OR2A5: variants seen among roughly 807,000 people sequenced by gnomAD.
OR2A5 encodes the protein olfactory receptor 2A5.
Under a neutral mutation model 1.9 loss-of-function variants are expected in OR2A5, and 2 were observed. The observed-to-expected ratio is 1.04, with a 90% CI of 0.43 to 3.28. The LOEUF (loss-of-function observed/expected upper bound fraction) is 3.28. Among genes scored for constraint, OR2A5 ranks in the 30% most tolerant of loss-of-function variants. OR2A5 has a pLI of 0.08. For missense variants in OR2A5, 391 were observed against 375.9 expected, an observed-to-expected ratio of 1.04 and a Z score of -0.33; for synonymous variants, 160 against 154.5, an observed-to-expected ratio of 1.04 and a Z score of -0.26.
At chr7:144,050,148 C>T (rs888088268) in intron 1 of OR2A5, among the ~76,000 whole-genome samples, 15 of 152,150 alleles carry the variant, frequency 9.9e-5, no homozygotes, top group African/African-American at 3.4e-4. Flanking sequence ...AAGTAAAATT[C>T]TGTGGGACTG....
rs1586880454 is a variant in OR2A5 at position 144,051,265 on chromosome 7, G to A, written c.864G>A (p.Leu288=). Residue 288 remains leucine, a synonymous_variant, in exon 2 of 2, where the codon TTG becomes TTA. Coordinates refer to ENST00000641693, the MANE Select transcript of OR2A5 (RefSeq NM_012365.2). ...YSLFNPMLNP[L]IYSLRNAEVK... ...TTTTCAACCCGATGCTGAACCCCTT[G>A]ATCTATAGCCTGAGGAACGCAGAGG... 3 of 1,613,890 alleles carry A rather than the reference G, an allele frequency of 1.9e-6. No individual in the cohort carries two copies. Among genetic ancestry groups the A allele is most frequent in the Admixed American group, 1.7e-5 (1 of 60,026 alleles).
rs555635301 is a variant in OR2A5, at chr7:144,056,234, G to A, written c.*4897G>A. 5 of 152,346 alleles carry A rather than the reference G, an allele frequency of 3.3e-5. No homozygotes were observed. Among genetic ancestry groups the A allele is most frequent in the Non-Finnish European group, 7.3e-5 (5 of 68,066 alleles). The allele number at this position is 152,346 out of a possible 1,614,324, so 9.4% of individuals were successfully genotyped here. A position where few individuals can be genotyped will look rare whatever the true frequency, so the allele number is the denominator to read the frequency against. On this transcript the variant is annotated 3_prime_UTR_variant, in exon 2 of 2. Transcript: ENST00000641693. The stretch of plus-strand genomic sequence containing the variant: ...CTGACTTCCTTTGCTTACTAATGAA[G>A]ACCAAAAAATGTACTGTGCTGTACT...
chr7:144,049,958 A>G (rs770305998), intron 1 of OR2A5, among the ~76,000 whole-genome samples: 1 of 152,252 alleles, frequency 6.6e-6, no homozygotes. Flanking sequence ...AAATAATTGA[A>G]AACCAAATAT....
chr7:144,050,559 G>C lies in OR2A5; in HGVS notation c.158G>C (p.Arg53Thr). 3 of 1,610,008 alleles carry C rather than the reference G, an allele frequency of 1.9e-6. No homozygotes were observed. Among genetic ancestry groups the C allele is most frequent in the Non-Finnish European group, 2.5e-6 (3 of 1,177,802 alleles). Residue 53 changes from arginine (R) to threonine (T), a missense_variant, in exon 2 of 2, where the codon AGA (arginine) becomes ACA (threonine). Physicochemically the swap from Arg to Thr is moderately conservative, Grantham distance 71. Transcript: ENST00000641693. Reference sequence around the variant, plus strand: ...CTGGGGCTCATCTGGCTGGACTCCAGACTGCACACCCCCATGTACTTCTTT... The same window carrying C: ...CTGGGGCTCATCTGGCTGGACTCCACACTGCACACCCCCATGTACTTCTTT... Reference protein sequence around the residue: ...AILGLIWLDSRLHTPMYFFLS... With the variant: ...AILGLIWLDSTLHTPMYFFLS...
At position 144,052,069 on chromosome 7, in the gene OR2A5, CG is replaced by C. The variant is rs1226840744; in HGVS notation, c.*735del. 3 of 151,964 alleles carry C rather than the reference CG, an allele frequency of 2.0e-5. No individual in the cohort carries two copies. The highest frequency in any genetic ancestry group is 7.3e-5 in the African/African-American group (3 of 41,350). 9.4% of individuals were successfully genotyped at this position (151,964 alleles called of 1,614,324 possible). On this transcript the variant is annotated 3_prime_UTR_variant, in exon 2 of 2. Transcript: ENST00000641693. ...TTTTTCATAATTCAGATCGCAAAGCCGGGTGTAGGTGACAATTTATCATTAC... is the reference window on the plus strand; with the variant it reads ...TTTTTCATAATTCAGATCGCAAAGCCGGTGTAGGTGACAATTTATCATTAC...
chr7:144,054,442 A>G lies in OR2A5; in HGVS notation c.*3105A>G, dbSNP rs1469060780. 1 of 152,234 alleles carries G rather than the reference A, an allele frequency of 6.6e-6. No homozygotes were observed. Among genetic ancestry groups the G allele is most frequent in the Non-Finnish European group, 1.5e-5 (1 of 68,040 alleles). 9.4% of individuals were successfully genotyped at this position (152,234 alleles called of 1,614,324 possible). ...CTAAGAGCTGGTAAAATTCATGACT[A>G]AACAACTATAAAACTACAAAATCCA... On this transcript the variant is annotated 3_prime_UTR_variant, in exon 2 of 2. Coordinates refer to ENST00000641693, the MANE Select transcript of OR2A5 (RefSeq NM_012365.2).
chr7:144,053,823 G>A lies in OR2A5; in HGVS notation c.*2486G>A, dbSNP rs2050921232. ...GAGGATTCATTACCACCTTTGGGAA[G>A]AGTAGAAACACTCACATTAGCAGCA... On this transcript the variant is annotated 3_prime_UTR_variant, in exon 2 of 2. Coordinates refer to ENST00000641693, the MANE Select transcript of OR2A5 (RefSeq NM_012365.2). 1.3e-5 allele frequency: 2 copies of A among 152,254 alleles called. No homozygotes were observed. Among genetic ancestry groups the A allele is most frequent in the African/African-American group, 4.8e-5 (2 of 41,462 alleles). 9.4% of individuals were successfully genotyped at this position (152,254 alleles called of 1,614,324 possible). A position where few individuals can be genotyped will look rare whatever the true frequency, so the allele number is the denominator to read the frequency against.
rs1046076510 is a variant in OR2A5, at chr7:144,056,814, T to C, written c.*5477T>C. On this transcript the variant is annotated 3_prime_UTR_variant, in exon 2 of 2. Transcript: ENST00000641693. ...CCCTGAAATAAGGACTAACTCTTGT[T>C]TTTTTTTTTTTTTTTTTTGAGACGG... 1 of 142,088 alleles carries C rather than the reference T, an allele frequency of 7.0e-6. No homozygotes were observed. Among genetic ancestry groups the C allele is most frequent in the Non-Finnish European group, 1.5e-5 (1 of 65,526 alleles). 8.8% of individuals were successfully genotyped at this position (142,088 alleles called of 1,614,324 possible). A position where few individuals can be genotyped will look rare whatever the true frequency, so the allele number is the denominator to read the frequency against.
At position 144,050,998 on chromosome 7, in the gene OR2A5, C is replaced by G. The variant is rs1278846899; in HGVS notation, c.597C>G (p.Ile199Met). ...ACACCTGGCTCAACCAGGTGGTCAT[C>G]TTTGCTGCTTCAGTGTTCATCCTGG... ...CADTWLNQVV[I>M]FAASVFILVG... is the part of the protein sequence containing the mutation. The change falls in exon 2 of 2, where the codon ATC becomes ATG. Residue 199 changes from isoleucine to methionine, a missense_variant. Transcript: ENST00000641693. 1 of 1,614,084 alleles carries G rather than the reference C, an allele frequency of 6.2e-7. No homozygotes were observed. Among genetic ancestry groups the G allele is most frequent in the Non-Finnish European group, 8.5e-7 (1 of 1,180,036 alleles).
In OR2A5 at chr7:144,051,283, C is replaced by G. The variant is rs202237322; in HGVS notation, c.882C>G (p.Asn294Lys). 1 of 1,613,838 alleles carries G rather than the reference C, an allele frequency of 6.2e-7. No individual in the cohort carries two copies. Among genetic ancestry groups the G allele is most frequent in the Non-Finnish European group, 8.5e-7 (1 of 1,179,850 alleles). The change falls in exon 2 of 2, where the codon AAC (asparagine) becomes AAG (lysine). Residue 294 changes from asparagine (N) to lysine (K), a missense_variant. Asn to Lys is a moderately conservative substitution (Grantham distance 94, BLOSUM62 0). Coordinates refer to ENST00000641693, the MANE Select transcript of OR2A5 (RefSeq NM_012365.2). Reference sequence around the variant, plus strand: ...ACCCCTTGATCTATAGCCTGAGGAACGCAGAGGTCAAGGGTGCCCTGAAAA... The same window carrying G: ...ACCCCTTGATCTATAGCCTGAGGAAGGCAGAGGTCAAGGGTGCCCTGAAAA... ...MLNPLIYSLR[N>K]AEVKGALKRV...
Position 144,051,129 on chromosome 7 carries a change from C to T in OR2A5, c.728C>T (p.Ser243Phe), listed in dbSNP as rs1453662925. Residue 243 changes from serine (S) to phenylalanine (F), a missense_variant, in exon 2 of 2, where the codon TCC (serine) becomes TTC (phenylalanine). By Grantham distance (155) the Ser-to-Phe change is radical. Transcript: ENST00000641693. Reference sequence around the variant, plus strand: ...AGAAAGGCCTTCTCCACCTGCTCCTCCCACCTTTGCATGGTGGGACTCTTC... The same window carrying T: ...AGAAAGGCCTTCTCCACCTGCTCCTTCCACCTTTGCATGGTGGGACTCTTC... ...GRRKAFSTCS[S>F]HLCMVGLFFG... 2 of 1,614,110 alleles carry T rather than the reference C, an allele frequency of 1.2e-6. No individual in the cohort carries two copies. Among genetic ancestry groups the T allele is most frequent in the African/African-American group, 1.3e-5 (1 of 74,948 alleles).
chr7:144,051,466 TA>T lies in OR2A5; in HGVS notation c.*130del. ...TCAAGAATGTATATTGATTGGATTCTATCCCTAAACGTGGAGTACCATGCAG... is the reference window on the plus strand; with the variant it reads ...TCAAGAATGTATATTGATTGGATTCTTCCCTAAACGTGGAGTACCATGCAG... On this transcript the variant is annotated 3_prime_UTR_variant, in exon 2 of 2. Transcript: ENST00000641693. The T allele has an allele frequency of 1.3e-6, 1 of 764,938 alleles. No individual in the cohort carries two copies. Among genetic ancestry groups the T allele is most frequent in the East Asian group, 2.7e-5 (1 of 37,514 alleles). 47.4% of individuals were successfully genotyped at this position (764,938 alleles called of 1,614,324 possible). A position where few individuals can be genotyped will look rare whatever the true frequency, so the allele number is the denominator to read the frequency against.
Position 144,058,413 on chromosome 7 carries a change from T to C in OR2A5, c.*7076T>C, listed in dbSNP as rs1263549595. ...ATGGACACATGTTGTATTAGTCTGT[T>C]CTCATGCTGCTAATAAAGACATACC... On this transcript the variant is annotated 3_prime_UTR_variant, in exon 2 of 2. Transcript: ENST00000641693. 6.6e-6 allele frequency: 1 copy of C among 152,316 alleles called. No homozygotes were observed. Among genetic ancestry groups the C allele is most frequent in the Non-Finnish European group, 1.5e-5 (1 of 68,130 alleles). The allele number at this position is 152,316 out of a possible 1,614,324, so 9.4% of individuals were successfully genotyped here. A position where few individuals can be genotyped will look rare whatever the true frequency, so the allele number is the denominator to read the frequency against.
rs2050915474 is a variant in OR2A5 at position 144,052,814 on chromosome 7, T to A, written c.*1477T>A. ...AGAGCAATTTGAATTTAAAAAAAAA[T>A]ACTGGATCTAAATTTAACTATCAAC... On this transcript the variant is annotated 3_prime_UTR_variant, in exon 2 of 2. Transcript: ENST00000641693. 1.3e-5 allele frequency: 2 copies of A among 152,110 alleles called. No individual in the cohort carries two copies. Among genetic ancestry groups the A allele is most frequent in the South Asian group, 4.1e-4 (2 of 4,824 alleles). The allele number at this position is 152,110 out of a possible 1,614,324, so 9.4% of individuals were successfully genotyped here. A position where few individuals can be genotyped will look rare whatever the true frequency, so the allele number is the denominator to read the frequency against.
chr7:144,053,142 G>T lies in OR2A5; in HGVS notation c.*1805G>T, dbSNP rs1205064713. 1 of 151,884 alleles carries T rather than the reference G, an allele frequency of 6.6e-6. No individual in the cohort carries two copies. 9.4% of individuals were successfully genotyped at this position (151,884 alleles called of 1,614,324 possible). ...AGTTCTAAGTGATTGGGAAAGAATAGACCAAAAAGACTACATTTCTACAGA... is the reference window on the plus strand; with the variant it reads ...AGTTCTAAGTGATTGGGAAAGAATATACCAAAAAGACTACATTTCTACAGA... On this transcript the variant is annotated 3_prime_UTR_variant, in exon 2 of 2. Coordinates refer to ENST00000641693, the MANE Select transcript of OR2A5 (RefSeq NM_012365.2).
At position 144,055,232 on chromosome 7, in the gene OR2A5, A is replaced by G. The variant is rs1367660975; in HGVS notation, c.*3895A>G. 6.6e-6 allele frequency: 1 copy of G among 152,184 alleles called. No homozygotes were observed. Among genetic ancestry groups the G allele is most frequent in the Non-Finnish European group, 1.5e-5 (1 of 68,026 alleles). The allele number at this position is 152,184 out of a possible 1,614,324, so 9.4% of individuals were successfully genotyped here. A position where few individuals can be genotyped will look rare whatever the true frequency, so the allele number is the denominator to read the frequency against. ...AGAATCAAAAAGTAGGTTTACATAA[A>G]AGTGGAATTAACATCAATATGAGAA... is the stretch of plus-strand genomic sequence containing the variant. On this transcript the variant is annotated 3_prime_UTR_variant, in exon 2 of 2. Coordinates refer to ENST00000641693, the MANE Select transcript of OR2A5 (RefSeq NM_012365.2).
rs1199143277 is a variant in OR2A5, at chr7:144,057,642, A to C, written c.*6305A>C. The C allele has an allele frequency of 1.3e-5, 2 of 152,196 alleles. No homozygotes were observed. The highest frequency in any genetic ancestry group is 1.3e-4 in the Admixed American group (2 of 15,288). 9.4% of individuals were successfully genotyped at this position (152,196 alleles called of 1,614,324 possible). A position where few individuals can be genotyped will look rare whatever the true frequency, so the allele number is the denominator to read the frequency against. The stretch of plus-strand genomic sequence containing the variant: ...CACACAGTTAAACTGTAATTCAAGA[A>C]AAAGAGAAAAATGAAAATGTTTTCA... On this transcript the variant is annotated 3_prime_UTR_variant, in exon 2 of 2. Coordinates refer to ENST00000641693, the MANE Select transcript of OR2A5 (RefSeq NM_012365.2).
chr7:144,050,841 C>T lies in OR2A5; in HGVS notation c.440C>T (p.Thr147Ile). The change falls in exon 2 of 2, where the codon ACT becomes ATT. Residue 147 changes from threonine to isoleucine, a missense_variant. By Grantham distance (89) the Thr-to-Ile change is moderately conservative. Coordinates refer to ENST00000641693, the MANE Select transcript of OR2A5 (RefSeq NM_012365.2). Reference protein sequence around the residue: ...RWGVCTVLAVTSWACGSLLAL... With the variant: ...RWGVCTVLAVISWACGSLLAL... Reference sequence around the variant, plus strand: ...GGAGTGTGCACAGTCCTGGCTGTCACTTCTTGGGCATGTGGTTCCCTTCTG... The same window carrying T: ...GGAGTGTGCACAGTCCTGGCTGTCATTTCTTGGGCATGTGGTTCCCTTCTG... The T allele has an allele frequency of 1.2e-6, 2 of 1,614,200 alleles. No homozygotes were observed. Among genetic ancestry groups the T allele is most frequent in the African/African-American group, 1.3e-5 (1 of 75,046 alleles).
rs575453928 is a variant in OR2A5, at chr7:144,056,740, T to A, written c.*5403T>A. On this transcript the variant is annotated 3_prime_UTR_variant, in exon 2 of 2. Coordinates refer to ENST00000641693, the MANE Select transcript of OR2A5 (RefSeq NM_012365.2). ...CGGAAAATAATTAGAAAATAACAGA[T>A]GGATCCCAAAAGATAACAATTACAG... is the stretch of plus-strand genomic sequence containing the variant. 1 of 151,574 alleles carries A rather than the reference T, an allele frequency of 6.6e-6. No homozygotes were observed. The highest frequency in any genetic ancestry group is 2.4e-5 in the African/African-American group (1 of 41,208). The allele number at this position is 151,574 out of a possible 1,614,324, so 9.4% of individuals were successfully genotyped here. A position where few individuals can be genotyped will look rare whatever the true frequency, so the allele number is the denominator to read the frequency against.
Sources: gnomAD v4.1 joint callset for allele counts (sites outside exome capture counted in the v4.1 genomes callset) on GRCh38, gnomAD v4.1.1 for gene constraint, MANE v1.5 for transcripts, NCBI Gene and HGNC (gene_info 2026-07-23, HGNC 2026-07-21) for gene names.